Variants in EML1 observed in about 807,000 individuals in gnomAD.
EML1 encodes the protein EMAP like 1.
Under a neutral mutation model 110.4 loss-of-function variants are expected in EML1, and 27 were observed. The observed-to-expected ratio is 0.24, with a 90% CI of 0.18 to 0.34. The LOEUF (loss-of-function observed/expected upper bound fraction) is 0.34, where lower values mean the gene tolerates loss of function less well. Among genes scored for constraint, EML1 ranks in the 10% least tolerant of loss-of-function variants. The pLI is 1.00. For missense variants in EML1, 741 were observed against 1,030.9 expected, an observed-to-expected ratio of 0.72 and a Z score of 3.85; for synonymous variants, 344 against 385.8, an observed-to-expected ratio of 0.89 and a Z score of 1.27.
upstream of EML1, among the ~76,000 whole-genome samples, chr14:99,770,002 G>A (rs571713931): frequency 5.5e-4 from 84 of 152,052 alleles, no homozygotes; most frequent in Non-Finnish European, 1.1e-3. Context: ...AAACGTTCCC[G>A]CCTCTTTACT....
At position 99,850,944 on chromosome 14, in the gene EML1, G is replaced by C. The variant is rs1435242505; in HGVS notation, c.159G>C (p.Gln53His). The part of the protein sequence containing the change: ...QRVQMQEDDI[Q>H]LLKSALADVV... ...TCCAGATGCAAGAAGACGACATCCA[G>C]CTGCTCAAATCAGCTCTAGCTGATG... is the stretch of plus-strand genomic sequence containing the variant. The change falls in exon 2 of 22, where the codon CAG becomes CAC. Residue 53 changes from glutamine (Q) to histidine (H), a missense_variant. This residue lies in a region of EML1 where 226 missense variants were observed against 255.6 expected (regional missense o/e 0.88). Coordinates refer to ENST00000262233, the MANE Select transcript of EML1 (RefSeq NM_004434.3). 1 of 1,614,070 alleles carries C rather than the reference G, an allele frequency of 6.2e-7. No homozygotes were observed. Among genetic ancestry groups the C allele is most frequent in the Non-Finnish European group, 8.5e-7 (1 of 1,180,046 alleles).
intron 11 of EML1, among the ~76,000 whole-genome samples, 188 bp downstream of exon 11, chr14:99,909,667 G>A (rs2059913643): frequency 6.6e-6 from 1 of 152,196 alleles, no homozygotes; most frequent in Non-Finnish European, 1.5e-5. Flanking sequence ...CCTGGGTGGA[G>A]GGCAGGGAAA....
Position 99,942,036 on chromosome 14 carries a change from A to T in EML1, c.*1924A>T, listed in dbSNP as rs2060598225. The T allele has an allele frequency of 6.6e-6, 1 of 152,240 alleles. No individual in the cohort carries two copies. The highest frequency in any genetic ancestry group is 2.1e-4 in the South Asian group (1 of 4,832). The allele number at this position is 152,240 out of a possible 1,614,324, so 9.4% of individuals were successfully genotyped here. A position where few individuals can be genotyped will look rare whatever the true frequency, so the allele number is the denominator to read the frequency against. On this transcript the variant is annotated 3_prime_UTR_variant, in exon 22 of 22. Transcript: ENST00000262233. ...TGATTAATCACTTTATTATGAATGA[A>T]TGAATGAATTTGATGGATTTAAAAT...
chr14:99,779,730 G>T (rs1001430054), intron 1 of EML1, among the ~76,000 whole-genome samples: 1 of 152,206 alleles, frequency 6.6e-6, no homozygotes, highest in African/African-American at 2.4e-5. Flanking sequence ...GTAGGAAGGG[G>T]CTGGGGTGAG....
intron 1 of EML1, among the ~76,000 whole-genome samples, chr14:99,749,336 G>GC (rs56820470): frequency 0.054 from 8,260 of 151,996 alleles, 303 homozygotes; most frequent in African/African-American, 0.093. Flanking sequence ...CTGTCTTCTC[G>GC]CCCCCCCAGC....
intron 2 of EML1, among the ~76,000 whole-genome samples, chr14:99,858,903 T>C (rs568616004): frequency 4.8e-4 from 73 of 152,364 alleles, no homozygotes; most frequent in Non-Finnish European, 1.0e-3. Context: ...TAATCATATA[T>C]GTAATCATGT....
intron 3 of EML1, among the ~76,000 whole-genome samples, chr14:99,872,091 C>A (rs1285417800): frequency 1.3e-5 from 2 of 152,172 alleles, no homozygotes; most frequent in African/African-American, 4.8e-5. Context: ...GGAGCAGGAG[C>A]AGCAGTCAGG....
chr14:99,796,210 G>T (rs1282386883), intron 1 of EML1, among the ~76,000 whole-genome samples: 1 of 150,878 alleles, frequency 6.6e-6, no homozygotes, highest in East Asian at 2.0e-4. Flanking sequence ...GAGAGAGAGA[G>T]AGAGAGAGAG....
intron 1 of EML1, among the ~76,000 whole-genome samples, chr14:99,746,281 C>G (rs560816096): frequency 1.3e-5 from 2 of 152,282 alleles, no homozygotes; most frequent in African/African-American, 2.4e-5. Context: ...AAGTGGCACT[C>G]TTTTCCAAAG....
Position 99,751,609 on chromosome 14 carries a change from C to T in EML1, c.28+13749C>T, listed in dbSNP as rs142774606. Among the ~76,000 whole-genome samples, 1,416 of 152,114 alleles carry T rather than the reference C, an allele frequency of 9.3e-3. 17 individuals are homozygous for T. Among genetic ancestry groups the T allele is most frequent in the African/African-American group, 0.033 (1,365 of 41,458 alleles). ...TCAGGGACGGGGTGTCAGAACAGGGCTATGGAGAGAGGCCTGGATACTCGA... is the reference window on the plus strand; with the variant it reads ...TCAGGGACGGGGTGTCAGAACAGGGTTATGGAGAGAGGCCTGGATACTCGA... On this transcript the variant is annotated intron_variant, in intron 1 of 10. Coordinates refer to the EML1 transcript ENST00000554479.
Position 99,939,249 on chromosome 14 carries a change from C to T in EML1, c.2244C>T (p.Ala748=). The T allele has an allele frequency of 1.2e-6, 2 of 1,614,216 alleles. No individual in the cohort carries two copies. The highest frequency in any genetic ancestry group is 4.5e-5 in the East Asian group (2 of 44,878). The change falls in exon 21 of 22, where the codon GCC becomes GCT. Residue 748 remains alanine, a synonymous_variant. Coordinates refer to ENST00000262233, the MANE Select transcript of EML1 (RefSeq NM_004434.3). The surrounding 1 kb of genome is among the most constrained non-coding windows in gnomAD (Gnocchi z 4.2). ...CCGACATCAATGCCGTCTGTCGGGCCCATGAGAAGAAACTCCTGTCAACAG... is the reference window on the plus strand; with the variant it reads ...CCGACATCAATGCCGTCTGTCGGGCTCATGAGAAGAAACTCCTGTCAACAG... ...DGTDINAVCR[A]HEKKLLSTGD...
chr14:99,922,368 G>A (rs1345464918), intron 17 of EML1, among the ~76,000 whole-genome samples: 2 of 152,012 alleles, frequency 1.3e-5, no homozygotes, highest in African/African-American at 2.4e-5. Flanking sequence ...CACCCACCTC[G>A]GCCTCCCAAA....
intron 1 of EML1, among the ~76,000 whole-genome samples, chr14:99,841,844 C>T (rs936913852): frequency 6.6e-6 from 1 of 152,152 alleles, no homozygotes; most frequent in Non-Finnish European, 1.5e-5. Flanking sequence ...GATAGAGACA[C>T]CGCCCCATAG....
At chr14:99,774,409 G>A (rs1595264983) in intron 1 of EML1, among the ~76,000 whole-genome samples, 1 of 152,280 alleles carries the variant, frequency 6.6e-6, no homozygotes, top group Non-Finnish European at 1.5e-5. Flanking sequence ...GTTAAAAGAT[G>A]CAAATGCTTC....
intron 1 of EML1, among the ~76,000 whole-genome samples, chr14:99,750,194 C>G (rs558372876): frequency 6.6e-6 from 1 of 152,194 alleles, no homozygotes; most frequent in African/African-American, 2.4e-5. Flanking sequence ...TAGGTTGCCC[C>G]GGAGGGAACA....
At position 99,754,910 on chromosome 14, in the gene EML1, C is replaced by T. The variant is rs569779364; in HGVS notation, c.28+17050C>T. ...TGATCCGGAGACAGCAGGCACCTGC[C>T]TCTCGTGTCCATGCAGCATTACAGG... On this transcript the variant is annotated intron_variant, in intron 1 of 10. Coordinates refer to the EML1 transcript ENST00000554479. 2.8e-3 allele frequency among the ~76,000 whole-genome samples: 424 copies of T among 152,328 alleles called. 2 individuals carry two copies. Among genetic ancestry groups the T allele is most frequent in the African/African-American group, 9.7e-3 (402 of 41,586 alleles).
At chr14:99,762,807 A>G (rs2057328604) in intron 1 of EML1, among the ~76,000 whole-genome samples, 1 of 152,178 alleles carries the variant, frequency 6.6e-6, no homozygotes, top group South Asian at 2.1e-4. Flanking sequence ...CTAAAAGTAA[A>G]TTAAGATAAA....
At chr14:99,901,118 T>A in intron 9 of EML1, 79 bp downstream of exon 9, 1 of 1,238,248 alleles carries the variant, frequency 8.1e-7, no homozygotes, top group Non-Finnish European at 1.2e-6. Flanking sequence ...GAGGGGGAGT[T>A]GACACACTCG....
chr14:99,825,033 G>A, intron 1 of EML1, among the ~76,000 whole-genome samples: 1 of 152,050 alleles, frequency 6.6e-6, no homozygotes, highest in Admixed American at 6.5e-5. Context: ...TCCCAGGCTG[G>A]AGTGCAGTGG....
Sources: allele counts gnomAD v4.1 joint callset (sites outside exome capture counted in the v4.1 genomes callset), GRCh38; gene constraint gnomAD v4.1.1; regional missense constraint gnomAD v4.1.1; non-coding constraint Gnocchi (gnomAD v3.1); transcripts MANE v1.5; gene names NCBI Gene and HGNC (gene_info 2026-07-23, HGNC 2026-07-21).